NALF1: variants seen among roughly 807,000 people sequenced by gnomAD.
The protein encoded by NALF1 is NALCN channel auxiliary factor 1.
Under a neutral mutation model 48.4 loss-of-function variants are expected in NALF1, and 3 were observed. The observed-to-expected ratio is 0.06, with a 90% confidence interval of 0.03 to 0.16. The LOEUF (loss-of-function observed/expected upper bound fraction) is 0.16. Ranked by LOEUF, NALF1 falls within the 10% of genes least tolerant of loss-of-function variation. The pLI, the probability that NALF1 is intolerant of heterozygous loss-of-function variation, is 1.00. For missense variants in NALF1, 526 were observed against 571.5 expected, an observed-to-expected ratio of 0.92 and a Z score of 0.81; for synonymous variants, 262 against 245.7, an observed-to-expected ratio of 1.07 and a Z score of -0.62.
chr13:107,640,819 T>A (rs1486876707), intron 1 of NALF1, among the ~76,000 whole-genome samples: 2 of 152,212 alleles, frequency 1.3e-5, no homozygotes, highest in Non-Finnish European at 2.9e-5. Flanking sequence ...GCAACATTCA[T>A]TGTGTTTCTC....
At chr13:107,586,074 C>T (rs1229302657) in intron 1 of NALF1, among the ~76,000 whole-genome samples, 1 of 151,956 alleles carries the variant, frequency 6.6e-6, no homozygotes, top group Non-Finnish European at 1.5e-5. Flanking sequence ...ATTGATTTTA[C>T]TTATATTGAA....
chr13:107,767,038 T>TGTGA (rs2138566342), intron 1 of NALF1, among the ~76,000 whole-genome samples: 1 of 151,572 alleles, frequency 6.6e-6, no homozygotes, highest in Non-Finnish European at 1.5e-5. Context: ...TAAGACAGAG[T>TGTGA]CAGAGAGAAA....
chr13:107,542,497 G>T (rs1566385864), intron 1 of NALF1, among the ~76,000 whole-genome samples: 1 of 152,132 alleles, frequency 6.6e-6, no homozygotes, highest in East Asian at 1.9e-4. Context: ...TGGTATGTCA[G>T]TTATAAGTCA....
chr13:107,416,615 C>A (rs1176397353), intron 1 of NALF1, among the ~76,000 whole-genome samples: 1 of 151,674 alleles, frequency 6.6e-6, no homozygotes, highest in African/African-American at 2.4e-5. Flanking sequence ...ATACAACACA[C>A]AAAACATGTG....
chr13:107,742,465 G>GT (rs1876667991), intron 1 of NALF1, among the ~76,000 whole-genome samples: 1 of 152,192 alleles, frequency 6.6e-6, no homozygotes, highest in Non-Finnish European at 1.5e-5. Context: ...TCCTGAGTGA[G>GT]TTCTCACAAG....
intron 1 of NALF1, among the ~76,000 whole-genome samples, chr13:107,658,722 C>A (rs111446425): frequency 3.0e-4 from 46 of 152,256 alleles, no homozygotes; most frequent in African/African-American, 7.2e-4. Flanking sequence ...TATTCTTTAA[C>A]CTCATTGAAG....
chr13:107,836,908 T>C (rs747080081), intron 1 of NALF1, among the ~76,000 whole-genome samples: 13 of 152,186 alleles, frequency 8.5e-5, no homozygotes, highest in Non-Finnish European at 1.6e-4. Flanking sequence ...GGGAGGCAGA[T>C]AGGATGACAC....
chr13:107,669,797 A>G (rs1327236810), intron 1 of NALF1, among the ~76,000 whole-genome samples: 4 of 152,120 alleles, frequency 2.6e-5, no homozygotes, highest in Non-Finnish European at 5.9e-5. Flanking sequence ...AAGACACTGC[A>G]AGCCAGAACA....
intron 1 of NALF1, among the ~76,000 whole-genome samples, chr13:107,343,854 T>G (rs1882725981): frequency 6.6e-6 from 1 of 151,682 alleles, no homozygotes; most frequent in Middle Eastern, 3.4e-3. Flanking sequence ...GAATAAAAAT[T>G]AGACCAGAAA....
intron 1 of NALF1, among the ~76,000 whole-genome samples, chr13:107,737,491 C>T (rs957193918): frequency 6.6e-6 from 1 of 152,072 alleles, no homozygotes; most frequent in Non-Finnish European, 1.5e-5. Flanking sequence ...GTAGAATTTA[C>T]GTTACTTTGG....
chr13:107,370,638 C>T (rs1883233068), intron 1 of NALF1, among the ~76,000 whole-genome samples: 1 of 97,776 alleles, frequency 1.0e-5, no homozygotes. Context: ...TGAGCTGCTT[C>T]TTTAAAAAGA....
At chr13:107,512,056 T>C (rs1875908117) in intron 1 of NALF1, among the ~76,000 whole-genome samples, 1 of 152,228 alleles carries the variant, frequency 6.6e-6, no homozygotes, top group Non-Finnish European at 1.5e-5. Context: ...CTCTGGAGTT[T>C]ATCTGAAGCA....
chr13:107,178,401 A>G (rs1245771839), intron 2 of NALF1, among the ~76,000 whole-genome samples: 1 of 152,254 alleles, frequency 6.6e-6, no homozygotes, highest in African/African-American at 2.4e-5. Flanking sequence ...AAAGATCTGA[A>G]TAGACATTTC....
At chr13:107,358,488 G>A (rs976806525) in intron 1 of NALF1, among the ~76,000 whole-genome samples, 2 of 152,154 alleles carry the variant, frequency 1.3e-5, no homozygotes, top group African/African-American at 4.8e-5. Context: ...ATGTAGTCAT[G>A]TCTACCATAT....
intron 1 of NALF1, among the ~76,000 whole-genome samples, chr13:107,235,021 C>A (rs755696025): frequency 6.6e-5 from 10 of 152,146 alleles, no homozygotes; most frequent in African/African-American, 2.4e-4. Flanking sequence ...CCCCATTTAG[C>A]CTTCCTTTGG....
intron 1 of NALF1, among the ~76,000 whole-genome samples, chr13:107,484,783 C>A (rs1017027321): frequency 6.6e-6 from 1 of 152,114 alleles, no homozygotes; most frequent in African/African-American, 2.4e-5. Context: ...AGAACATCTC[C>A]TTTTATGGAC....
intron 1 of NALF1, among the ~76,000 whole-genome samples, chr13:107,628,952 T>G (rs1230016343): frequency 1.3e-5 from 2 of 152,178 alleles, no homozygotes; most frequent in African/African-American, 2.4e-5. Flanking sequence ...AATGCCTTTT[T>G]GTATGTTATT....
chr13:107,411,519 T>C (rs1883991701), intron 1 of NALF1, among the ~76,000 whole-genome samples: 1 of 152,116 alleles, frequency 6.6e-6, no homozygotes, highest in South Asian at 2.1e-4. Flanking sequence ...TTATTCCTCA[T>C]TCAGTTGTTC....
intron 1 of NALF1, among the ~76,000 whole-genome samples, chr13:107,639,730 G>A (rs886967234): frequency 6.6e-6 from 1 of 152,094 alleles, no homozygotes; most frequent in Non-Finnish European, 1.5e-5. Context: ...TCTCAACTCA[G>A]GCATGATGCC....
Sources: gnomAD v4.1 joint callset for allele counts (sites outside exome capture counted in the v4.1 genomes callset) on GRCh38, gnomAD v4.1.1 for gene constraint, MANE v1.5 for transcripts, NCBI Gene and HGNC (gene_info 2026-07-23, HGNC 2026-07-21) for gene names.